LHFPL3: variants seen among roughly 807,000 people sequenced by gnomAD.
The protein encoded by LHFPL3 is LHFPL tetraspan subfamily member 3 protein.
Under a neutral mutation model 19.3 loss-of-function variants are expected in LHFPL3, and 5 were observed. That is an observed-to-expected ratio of 0.26 (90% CI 0.14 to 0.54). The LOEUF is 0.54. Ranked by LOEUF, LHFPL3 falls within the 20% of genes least tolerant of loss-of-function variation. The pLI is 0.94. For synonymous variants in LHFPL3, 133 were observed against 126.2 expected (o/e 1.05, Z -0.36); for missense variants, 249 against 307.4 (o/e 0.81, Z 1.42).
At chr7:104,542,531 G>A (rs944993988) in intron 1 of LHFPL3, among the ~76,000 whole-genome samples, 3 of 152,084 alleles carry the variant, frequency 2.0e-5, no homozygotes, top group African/African-American at 7.2e-5. Context: ...AATATGCTCT[G>A]ATACCCAATT....
At chr7:104,612,008 T>C (rs1791222238) in intron 1 of LHFPL3, among the ~76,000 whole-genome samples, 1 of 152,212 alleles carries the variant, frequency 6.6e-6, no homozygotes, top group Non-Finnish European at 1.5e-5. Context: ...TTTTTTTTCT[T>C]CAAGATTCTT....
At chr7:104,905,051 GCTCAAGCGATC>G (rs1268912211) in intron 2 of LHFPL3, among the ~76,000 whole-genome samples, 13 of 152,066 alleles carry the variant, frequency 8.5e-5, no homozygotes, top group African/African-American at 3.1e-4. Flanking sequence ...GACCTCCTGG[GCTCAAGCGATC>G]CTCCCACGTC....
In LHFPL3 at chr7:104,399,322, T is replaced by C. The variant is rs1337353786; in HGVS notation, c.445+70098T>C. On this transcript the variant is annotated intron_variant, in intron 1 of 2. Coordinates refer to ENST00000424859, the MANE Select transcript of LHFPL3 (RefSeq NM_199000.3). The surrounding 1 kb of genome is among the most constrained non-coding windows in gnomAD (Gnocchi z 4.4). ...TTGGGGCAGTTTTACTTTCATTGGG[T>C]AAGTTACGATTAAATGTAACTTTAC... Among the ~76,000 whole-genome samples the C allele has an allele frequency of 1.3e-5, 2 of 152,222 alleles. No individual in the cohort carries two copies. Among genetic ancestry groups the C allele is most frequent in the Non-Finnish European group, 2.9e-5 (2 of 68,034 alleles).
chr7:104,720,475 G>A (rs1399851273), intron 1 of LHFPL3, among the ~76,000 whole-genome samples: 1 of 152,144 alleles, frequency 6.6e-6, no homozygotes, highest in Non-Finnish European at 1.5e-5. Flanking sequence ...CAGGACGTAG[G>A]CATGGGCAAG....
chr7:104,594,519 G>A (rs1050481790), intron 1 of LHFPL3, among the ~76,000 whole-genome samples: 1 of 151,960 alleles, frequency 6.6e-6, no homozygotes, highest in African/African-American at 2.4e-5. Flanking sequence ...TGTGTCTTGA[G>A]GTTGCTCTTC....
chr7:104,371,417 C>G lies in LHFPL3; in HGVS notation c.445+42193C>G, dbSNP rs111584690. On this transcript the variant is annotated intron_variant, in intron 1 of 2. Coordinates refer to ENST00000424859, the MANE Select transcript of LHFPL3 (RefSeq NM_199000.3). Reference sequence around the variant, plus strand: ...AGGAGAAACATTTGGATATAGTTCTCTCATGGCAACAGGCTAATTCACGTG... The same window carrying G: ...AGGAGAAACATTTGGATATAGTTCTGTCATGGCAACAGGCTAATTCACGTG... Among the ~76,000 whole-genome samples the G allele has an allele frequency of 6.3e-3, 965 of 152,254 alleles. 7 individuals carry two copies. Among genetic ancestry groups the G allele is most frequent in the African/African-American group, 0.022 (901 of 41,556 alleles).
In LHFPL3 at chr7:104,906,219, C is replaced by T. The variant is rs1167579494; in HGVS notation, c.*4C>T. The T allele has an allele frequency of 3.3e-5, 53 of 1,607,726 alleles. No homozygotes were observed. The highest frequency in any genetic ancestry group is 4.2e-5 in the Non-Finnish European group (49 of 1,176,948). Reference sequence around the variant, plus strand: ...AAGCCAATATTCTCTAGAATGAGCACAAAACAAATCGAATAACAGCTAAAC... The same window carrying T: ...AAGCCAATATTCTCTAGAATGAGCATAAAACAAATCGAATAACAGCTAAAC... On this transcript the variant is annotated 3_prime_UTR_variant, in exon 3 of 3. Coordinates refer to ENST00000424859, the MANE Select transcript of LHFPL3 (RefSeq NM_199000.3).
At chr7:104,484,120 T>C (rs1048335077) in intron 1 of LHFPL3, among the ~76,000 whole-genome samples, 9 of 21,092 alleles carry the variant, frequency 4.3e-4, no homozygotes, top group African/African-American at 2.3e-3. Context: ...TGGAGACTTA[T>C]TACAATTCTT....
chr7:104,552,379 C>A (rs959455886), intron 1 of LHFPL3, among the ~76,000 whole-genome samples: 1 of 152,144 alleles, frequency 6.6e-6, no homozygotes, highest in African/African-American at 2.4e-5. Context: ...ATTACTATAG[C>A]CATTTCCTCC....
At chr7:104,618,133 A>C (rs747819004) in intron 1 of LHFPL3, among the ~76,000 whole-genome samples, 14 of 152,210 alleles carry the variant, frequency 9.2e-5, no homozygotes, top group Non-Finnish European at 2.1e-4. Context: ...AAAAGAAGCC[A>C]AGAGATGTTT....
At chr7:104,569,208 T>A (rs1487913911) in intron 1 of LHFPL3, among the ~76,000 whole-genome samples, 1 of 152,208 alleles carries the variant, frequency 6.6e-6, no homozygotes, top group Non-Finnish European at 1.5e-5. Flanking sequence ...GTCTCTTATG[T>A]TTATCTCTAG....
At chr7:104,480,351 T>A (rs976025357) in intron 1 of LHFPL3, among the ~76,000 whole-genome samples, 6 of 152,012 alleles carry the variant, frequency 3.9e-5, no homozygotes, top group African/African-American at 1.4e-4. Context: ...ACCGCCCAGA[T>A]TTCCAGAAGA....
chr7:104,683,279 C>T (rs927242783), intron 1 of LHFPL3, among the ~76,000 whole-genome samples: 4 of 152,158 alleles, frequency 2.6e-5, no homozygotes, highest in African/African-American at 9.7e-5. Context: ...CGTGAGCCAC[C>T]GCACCCGGCC....
chr7:104,771,924 C>T (rs968999050), intron 2 of LHFPL3, among the ~76,000 whole-genome samples: 7 of 145,368 alleles, frequency 4.8e-5, no homozygotes, highest in South Asian at 2.2e-4. Context: ...CGGGTTCAAG[C>T]GATCCTCCTG....
Position 104,781,080 on chromosome 7 carries a change from G to A in LHFPL3, c.682+44169G>A, listed in dbSNP as rs4730047. Among the ~76,000 whole-genome samples, 3,776 of 152,016 alleles carry A rather than the reference G, an allele frequency of 0.025. 247 individuals are homozygous for A. In the East Asian group the frequency reaches 0.26, roughly 11 times the overall value. ...CTCTGTCCTCTTTGAGTCTACACCT[G>A]GACTGTTAAGGAATATCAGAGGGAA... On this transcript the variant is annotated intron_variant, in intron 2 of 2. Transcript: ENST00000424859.
chr7:104,862,408 A>C (rs762638028), intron 2 of LHFPL3, among the ~76,000 whole-genome samples: 2 of 152,148 alleles, frequency 1.3e-5, no homozygotes, highest in Non-Finnish European at 2.9e-5. Flanking sequence ...CTAATTTTCT[A>C]CTTGCCTTCT....
intron 2 of LHFPL3, among the ~76,000 whole-genome samples, chr7:104,861,226 G>T (rs1422296474): frequency 6.6e-6 from 1 of 152,090 alleles, no homozygotes; most frequent in Non-Finnish European, 1.5e-5. Flanking sequence ...AAAACATTTT[G>T]CCCCCCTAAG....
At chr7:104,509,720 CAGA>C (rs1160366219) in intron 1 of LHFPL3, among the ~76,000 whole-genome samples, 3 of 151,940 alleles carry the variant, frequency 2.0e-5, no homozygotes, top group Admixed American at 2.0e-4. Flanking sequence ...AACATAGTGC[CAGA>C]AGCTGTAACT....
chr7:104,481,146 T>A (rs1584349710), intron 1 of LHFPL3, among the ~76,000 whole-genome samples: 1 of 152,318 alleles, frequency 6.6e-6, no homozygotes, highest in Admixed American at 6.5e-5. Context: ...TGAGAAGCCA[T>A]CTGTACTTCA....
Sources: allele counts gnomAD v4.1 joint callset (sites outside exome capture counted in the v4.1 genomes callset), GRCh38; gene constraint gnomAD v4.1.1; non-coding constraint Gnocchi (gnomAD v3.1); transcripts MANE v1.5; gene names NCBI Gene and HGNC (gene_info 2026-07-23, HGNC 2026-07-21).